The following SWT1 variants were observed in gnomAD, a reference collection of about 807,000 sequenced individuals.
SWT1 encodes transcriptional protein SWT1.
SWT1 carries 33 observed loss-of-function variants against 107.3 expected under a neutral mutation model. That is an observed-to-expected ratio of 0.31 (90% CI 0.23 to 0.41). SWT1 has a LOEUF of 0.41. Ranked by LOEUF, SWT1 falls within the 10% of genes least tolerant of loss-of-function variation. SWT1 has a pLI of 1.00. For missense variants in SWT1, 898 were observed against 1,028.9 expected (o/e 0.87, Z 1.74); for synonymous variants, 345 against 348.3 (o/e 0.99, Z 0.11).
chr1:185,192,649 C>CT lies in SWT1; in HGVS notation c.1523+2023dup, dbSNP rs869246878. ...TAGAGAACACGTCTGTAACGCCTCTCTTTTTTTTTTTTTTTTGAGACAGAG... is the reference window on the plus strand; with the variant it reads ...TAGAGAACACGTCTGTAACGCCTCTCTTTTTTTTTTTTTTTTTGAGACAGAG... On this transcript the variant is annotated intron_variant, in intron 10 of 18. Coordinates refer to ENST00000367500, the MANE Select transcript of SWT1 (RefSeq NM_017673.7). Among the ~76,000 whole-genome samples, 721 of 139,546 alleles carry CT rather than the reference C, an allele frequency of 5.2e-3. 4 individuals carry two copies. The highest frequency in any genetic ancestry group is 0.011 in the Middle Eastern group (3 of 272). The allele number at this position is 139,546 out of a possible 152,430, so 91.5% of individuals were successfully genotyped here. A position where few individuals can be genotyped will look rare whatever the true frequency, so the allele number is the denominator to read the frequency against.
chr1:185,266,252 C>G (rs894919902), intron 16 of SWT1, among the ~76,000 whole-genome samples: 8 of 152,004 alleles, frequency 5.3e-5, no homozygotes, highest in East Asian at 3.9e-4. Flanking sequence ...TTTTAGTAGA[C>G]ACGGGGTTTC....
chr1:185,186,718 A>C (rs1389428787), intron 9 of SWT1, among the ~76,000 whole-genome samples: 1 of 151,306 alleles, frequency 6.6e-6, no homozygotes, highest in Admixed American at 6.6e-5. Context: ...AGTTATTTTA[A>C]TTTTCTTTAT....
intron 16 of SWT1, among the ~76,000 whole-genome samples, chr1:185,266,168 A>G (rs1206602992): frequency 6.6e-6 from 1 of 151,980 alleles, no homozygotes; most frequent in Non-Finnish European, 1.5e-5. Flanking sequence ...GGTTCACGCC[A>G]TTCTCCTGCC....
chr1:185,192,014 G>A (rs1276357956), intron 10 of SWT1, among the ~76,000 whole-genome samples: 1 of 151,906 alleles, frequency 6.6e-6, no homozygotes, highest in Non-Finnish European at 1.5e-5. Context: ...CCTGTGTATT[G>A]TATAAGTCAT....
intron 10 of SWT1, among the ~76,000 whole-genome samples, chr1:185,193,439 A>G (rs1657117763): frequency 6.7e-6 from 1 of 149,852 alleles, no homozygotes; most frequent in Non-Finnish European, 1.5e-5. Flanking sequence ...CAGGTCTTCT[A>G]TAACCTTACT....
chr1:185,157,600 T>G (rs1653725005), intron 1 of SWT1: 1 of 152,564 alleles, frequency 6.6e-6, no homozygotes, highest in Admixed American at 6.5e-5. Context: ...CGAGCTTGCC[T>G]GTCCATCCAG....
chr1:185,225,103 T>C (rs1164245533), intron 15 of SWT1, among the ~76,000 whole-genome samples: 1 of 152,174 alleles, frequency 6.6e-6, no homozygotes, highest in Non-Finnish European at 1.5e-5. Flanking sequence ...CTGTATCTAA[T>C]TTTTTGGGAG....
chr1:185,278,687 A>G (rs1021376452), intron 18 of SWT1, among the ~76,000 whole-genome samples: 4 of 152,224 alleles, frequency 2.6e-5, no homozygotes, highest in African/African-American at 9.6e-5. Flanking sequence ...GTGCATTCGT[A>G]AATGTCGCCA....
At chr1:185,220,162 AAAG>A (rs1188027921) in intron 14 of SWT1, among the ~76,000 whole-genome samples, 1 of 149,098 alleles carries the variant, frequency 6.7e-6, no homozygotes, top group African/African-American at 2.4e-5. Context: ...AAAAAAAAAA[AAAG>A]AGCAATTTCT....
chr1:185,258,384 T>C (rs1440461994), intron 16 of SWT1, among the ~76,000 whole-genome samples: 1 of 152,206 alleles, frequency 6.6e-6, no homozygotes, highest in Non-Finnish European at 1.5e-5. Flanking sequence ...TTGTTGTGTT[T>C]AGCTTTATCA....
At chr1:185,264,694 G>A (rs1483861909) in intron 16 of SWT1, among the ~76,000 whole-genome samples, 1 of 152,100 alleles carries the variant, frequency 6.6e-6, no homozygotes, top group African/African-American at 2.4e-5. Context: ...TTTGAACTCT[G>A]GCTGGCTGAC....
chr1:185,236,331 A>G (rs1445689077), intron 16 of SWT1, among the ~76,000 whole-genome samples: 8 of 152,234 alleles, frequency 5.3e-5, no homozygotes. Flanking sequence ...CTAGAAGGCT[A>G]CAGTAACAAA....
At chr1:185,173,723 G>A (rs946480487) in intron 4 of SWT1, among the ~76,000 whole-genome samples, 1 of 151,038 alleles carries the variant, frequency 6.6e-6, no homozygotes, top group Non-Finnish European at 1.5e-5. Context: ...AAGAAAAAGA[G>A]AAATCGGATA....
At chr1:185,259,339 A>G (rs140477008) in intron 16 of SWT1, among the ~76,000 whole-genome samples, 141 of 152,244 alleles carry the variant, frequency 9.3e-4, no homozygotes, top group African/African-American at 3.3e-3. Flanking sequence ...ATCAGCAATC[A>G]ATAGGTGCAG....
In SWT1 at chr1:185,279,302, G is replaced by A. The variant is rs111233198; in HGVS notation, c.2573+2634G>A. Among the ~76,000 whole-genome samples the A allele has an allele frequency of 8.7e-3, 1,324 of 152,260 alleles. 17 individuals are homozygous for A. Among genetic ancestry groups the A allele is most frequent in the African/African-American group, 0.028 (1,183 of 41,548 alleles). ...TTCTTGAAGCATGATCCTAGTAGAC[G>A]TCTAGAATTGTTTTGATTTTAGCTT... On this transcript the variant is annotated intron_variant, in intron 18 of 18. Transcript: ENST00000367500.
At chr1:185,191,656 G>T (rs1656959126) in intron 10 of SWT1, among the ~76,000 whole-genome samples, 1 of 152,052 alleles carries the variant, frequency 6.6e-6, no homozygotes, top group Admixed American at 6.6e-5. Flanking sequence ...ATTATATTTT[G>T]ATCTAGGACA....
At chr1:185,177,451 A>G (rs1422305826) in intron 5 of SWT1, among the ~76,000 whole-genome samples, 3 of 152,228 alleles carry the variant, frequency 2.0e-5, no homozygotes, top group African/African-American at 7.2e-5. Flanking sequence ...CTTTCCAGTT[A>G]TTGGAATTTA....
At chr1:185,279,489 C>T (rs186658884) in intron 18 of SWT1, among the ~76,000 whole-genome samples, 30 of 151,486 alleles carry the variant, frequency 2.0e-4, no homozygotes, top group African/African-American at 7.3e-4. Context: ...TCTTTTATAC[C>T]CAGAAGGATG....
At chr1:185,196,592 C>T (rs909362810) in intron 10 of SWT1, among the ~76,000 whole-genome samples, 1 of 152,196 alleles carries the variant, frequency 6.6e-6, no homozygotes, top group Non-Finnish European at 1.5e-5. Flanking sequence ...GCCATTTTCA[C>T]AATACTGATT....
Sources: allele counts gnomAD v4.1 joint callset (sites outside exome capture counted in the v4.1 genomes callset), GRCh38; gene constraint gnomAD v4.1.1; transcripts MANE v1.5; gene names NCBI Gene and HGNC (gene_info 2026-07-23, HGNC 2026-07-21).